Variants in STON1 observed in about 807,000 individuals in gnomAD.
STON1 encodes the protein stonin 1.
In STON1, 79 loss-of-function variants were observed where a neutral mutation model predicts 60.9. The ratio of observed to expected loss-of-function variants is 1.30; its 90% CI spans 1.08 to 1.56. STON1 has a LOEUF of 1.56. Among genes scored for constraint, STON1 ranks in the 40% most tolerant of loss-of-function variants. The pLI, the probability that STON1 is intolerant of heterozygous loss-of-function variation, is 0.00. For synonymous variants in STON1, 363 were observed against 306.9 expected, an observed-to-expected ratio of 1.18 and a Z score of -1.91; for missense variants, 1,166 against 858.9, an observed-to-expected ratio of 1.36 and a Z score of -4.47.
chr2:48,588,895 C>T (rs1014821185), intron 2 of STON1, among the ~76,000 whole-genome samples: 7 of 152,120 alleles, frequency 4.6e-5, no homozygotes, highest in African/African-American at 1.7e-4. Context: ...GCCTGAGGCA[C>T]TAGCTCACAG....
intron 1 of STON1, among the ~76,000 whole-genome samples, chr2:48,542,122 T>C (rs1222737411): frequency 6.6e-6 from 1 of 152,374 alleles, no homozygotes; most frequent in Admixed American, 6.5e-5. Context: ...CGTGTGTCTC[T>C]AACAGTGCAG....
At chr2:48,562,238 AG>A (rs1672642854) in intron 1 of STON1, among the ~76,000 whole-genome samples, 1 of 152,192 alleles carries the variant, frequency 6.6e-6, no homozygotes, top group African/African-American at 2.4e-5. Flanking sequence ...TTGATTAATT[AG>A]TTCCTTTCAT....
intron 1 of STON1, among the ~76,000 whole-genome samples, chr2:48,563,824 G>A (rs1208093635): frequency 6.6e-6 from 1 of 151,978 alleles, no homozygotes; most frequent in Non-Finnish European, 1.5e-5. Context: ...CTCCTAAGTA[G>A]CTGGGACTAC....
chr2:48,544,393 C>T (rs767875321), intron 1 of STON1, among the ~76,000 whole-genome samples: 1 of 152,168 alleles, frequency 6.6e-6, no homozygotes, highest in Non-Finnish European at 1.5e-5. Context: ...TAATTTAAAA[C>T]AGCTATGGCC....
intron 1 of STON1, among the ~76,000 whole-genome samples, chr2:48,578,066 T>C (rs1673621600): frequency 6.6e-6 from 1 of 152,210 alleles, no homozygotes; most frequent in Non-Finnish European, 1.5e-5. Context: ...CTGCAACCTC[T>C]GCCTCCCAGG....
At chr2:48,557,259 G>GAT (rs1672413761) in intron 1 of STON1, among the ~76,000 whole-genome samples, 1 of 69,604 alleles carries the variant, frequency 1.4e-5, no homozygotes, top group Non-Finnish European at 2.9e-5. Context: ...CTTCTCAGAC[G>GAT]GGGCGGCCGG....
chr2:48,579,298 C>T (rs1451275646), intron 1 of STON1, among the ~76,000 whole-genome samples: 1 of 148,694 alleles, frequency 6.7e-6, no homozygotes, highest in Non-Finnish European at 1.5e-5. Flanking sequence ...AGCCACTGCA[C>T]CCAGCCCTCT....
At chr2:48,559,145 A>G (rs2103820178) in intron 1 of STON1, among the ~76,000 whole-genome samples, 1 of 152,336 alleles carries the variant, frequency 6.6e-6, no homozygotes, top group African/African-American at 2.4e-5. Flanking sequence ...CTGTAGTAAC[A>G]AGAGCTTCTA....
At chr2:48,566,169 T>C (rs1481997963) in intron 1 of STON1, among the ~76,000 whole-genome samples, 2 of 152,162 alleles carry the variant, frequency 1.3e-5, no homozygotes, top group African/African-American at 4.8e-5. Context: ...CAGAGGTGAC[T>C]GGGCATATTA....
At chr2:48,553,365 TCTTCC>T (rs938150551) in intron 1 of STON1, among the ~76,000 whole-genome samples, 47 of 150,142 alleles carry the variant, frequency 3.1e-4, no homozygotes, top group South Asian at 1.3e-3. Context: ...CCTTCCCTTC[TCTTCC>T]CTTCCCTTCC....
chr2:48,589,777 C>G (rs1188036799), intron 2 of STON1, among the ~76,000 whole-genome samples: 1 of 152,074 alleles, frequency 6.6e-6, no homozygotes, highest in Non-Finnish European at 1.5e-5. Context: ...ATTTTTAACT[C>G]CGAATGTGTA....
intron 1 of STON1, among the ~76,000 whole-genome samples, chr2:48,564,515 TC>T (rs1672811052): frequency 2.9e-5 from 1 of 33,984 alleles, no homozygotes; most frequent in Non-Finnish European, 5.7e-5. Flanking sequence ...TTCTTCTTCT[TC>T]TTCTTCTTCT....
chr2:48,568,246 G>A (rs182970234), intron 1 of STON1, among the ~76,000 whole-genome samples: 29 of 152,222 alleles, frequency 1.9e-4, no homozygotes, highest in African/African-American at 6.7e-4. Flanking sequence ...AGAAACAGAG[G>A]AGCCAGACAT....
intron 1 of STON1, among the ~76,000 whole-genome samples, chr2:48,556,740 C>T (rs1408367989): frequency 1.2e-3 from 31 of 25,734 alleles, no homozygotes; most frequent in Non-Finnish European, 2.1e-3. Context: ...GCTGGCCGGG[C>T]GGGGGGCTGA....
chr2:48,539,450 C>G (rs1194348507), intron 1 of STON1, among the ~76,000 whole-genome samples: 1 of 152,026 alleles, frequency 6.6e-6, no homozygotes, highest in Non-Finnish European at 1.5e-5. Flanking sequence ...CCTCTAAATA[C>G]TGCTTTAGCT....
rs772005432 is a variant in STON1, at chr2:48,598,442, C to G, written c.*3140C>G. 61 of 152,542 alleles carry G rather than the reference C, an allele frequency of 4.0e-4. No individual in the cohort carries two copies. Among genetic ancestry groups the G allele is most frequent in the Admixed American group, 2.2e-3 (34 of 15,268 alleles). 9.4% of individuals were successfully genotyped at this position (152,542 alleles called of 1,614,324 possible). ...AATGCAAATATAAGACAGGTTGAGC[C>G]TTAATCATGTAACAAAATATTTTGT... On this transcript the variant is annotated 3_prime_UTR_variant, in exon 4 of 4. Transcript: ENST00000404752.
intron 1 of STON1, among the ~76,000 whole-genome samples, chr2:48,561,725 A>T (rs1672621866): frequency 6.6e-6 from 1 of 152,152 alleles, no homozygotes. Context: ...TTTCCTGGGG[A>T]GTTAACTTGC....
chr2:48,581,384 C>T lies in STON1; in HGVS notation c.751C>T (p.His251Tyr). ...NQDSLRSLSM[H>Y]CLCAEENASS... Reference sequence around the variant, plus strand: ...AGACTCACTTAGAAGTTTGTCTATGCACTGTCTATGTGCTGAAGAAAATGC... The same window carrying T: ...AGACTCACTTAGAAGTTTGTCTATGTACTGTCTATGTGCTGAAGAAAATGC... The change falls in exon 2 of 4, where the codon CAC becomes TAC. Residue 251 changes from histidine to tyrosine, a missense_variant. His to Tyr is a moderately conservative substitution (Grantham distance 83, BLOSUM62 2). Transcript: ENST00000404752. The T allele has an allele frequency of 6.3e-7, 1 of 1,596,712 alleles. No homozygotes were observed. The highest frequency in any genetic ancestry group is 1.1e-5 in the South Asian group (1 of 87,652).
intron 1 of STON1, among the ~76,000 whole-genome samples, chr2:48,564,470 CTTCTTCTTCTTTCTT>C (rs1672774765): frequency 9.2e-5 from 5 of 54,530 alleles, no homozygotes; most frequent in African/African-American, 3.7e-4. Flanking sequence ...TCTTCTTCTT[CTTCTTCTTCTTTCTT>C]CTTCTTCTTC....
Sources: gnomAD v4.1 joint callset for allele counts (sites outside exome capture counted in the v4.1 genomes callset) on GRCh38, gnomAD v4.1.1 for gene constraint, MANE v1.5 for transcripts, NCBI Gene and HGNC (gene_info 2026-07-23, HGNC 2026-07-21) for gene names.